SNTG2: variants seen among roughly 807,000 people sequenced by gnomAD.
SNTG2 encodes the protein syntrophin gamma 2, also known as gamma-2-syntrophin.
A neutral mutation model predicts 70.9 loss-of-function variants in SNTG2; 74 were observed. The observed-to-expected ratio is 1.04, with a 90% CI of 0.86 to 1.27. SNTG2 has a LOEUF of 1.27. Ranked by LOEUF, SNTG2 falls within the 50% of genes most tolerant of loss-of-function variation. The probability of loss-of-function intolerance (pLI) is 0.00; values close to 1 mark genes in which losing one functional copy is unlikely to be tolerated. For synonymous variants in SNTG2, 278 were observed against 273.8 expected, an observed-to-expected ratio of 1.02 and a Z score of -0.15; for missense variants, 717 against 690.7, an observed-to-expected ratio of 1.04 and a Z score of -0.43.
intron 6 of SNTG2, among the ~76,000 whole-genome samples, chr2:1,141,690 TGTCCA>T (rs1269470738): frequency 1.3e-5 from 2 of 152,236 alleles, no homozygotes; most frequent in East Asian, 1.9e-4. Context: ...CATTCTAGGA[TGTCCA>T]GTCACCCAAC....
rs1430932646 is a variant in SNTG2, at chr2:1,222,089, C to CTCTCTG, written c.719+12865_719+12870dup. Among the ~76,000 whole-genome samples the CTCTCTG allele has an allele frequency of 1.2e-4, 2 of 16,006 alleles. 1 individual carries two copies. The highest frequency in any genetic ancestry group is 2.6e-4 in the Non-Finnish European group (2 of 7,724). The allele number at this position is 16,006 out of a possible 152,430, so 10.5% of individuals were successfully genotyped here. On this transcript the variant is annotated intron_variant, in intron 9 of 16. Transcript: ENST00000308624. ...TTTCTCTCTGTCTCTGTCTCTGTCT[C>CTCTCTG]TCTCTGTCTCTCTCTGTCTCTCTCT...
At chr2:1,054,631 A>T (rs1366750981) in intron 1 of SNTG2, among the ~76,000 whole-genome samples, 4 of 152,162 alleles carry the variant, frequency 2.6e-5, no homozygotes, top group Non-Finnish European at 4.4e-5. Flanking sequence ...CCTGGAGGTG[A>T]CACATTCCTG....
chr2:1,130,227 A>G (rs6732346), intron 4 of SNTG2, among the ~76,000 whole-genome samples: 90,420 of 152,060 alleles, frequency 0.59, 27,618 homozygotes, highest in East Asian at 0.72. Flanking sequence ...CCAGATTCAT[A>G]GATGACATTC....
intron 16 of SNTG2, among the ~76,000 whole-genome samples, chr2:1,337,366 A>G (rs545299856): frequency 1.1e-4 from 17 of 152,300 alleles, no homozygotes; most frequent in African/African-American, 3.8e-4. Flanking sequence ...AACACTTCCT[A>G]GGAGAGTACT....
intron 1 of SNTG2, among the ~76,000 whole-genome samples, chr2:1,037,812 A>T (rs1661214812): frequency 6.6e-6 from 1 of 152,122 alleles, no homozygotes; most frequent in African/African-American, 2.4e-5. Flanking sequence ...ATTCCATTTT[A>T]TGGCTACAAC....
At chr2:1,253,038 G>A (rs376474362) in intron 12 of SNTG2, among the ~76,000 whole-genome samples, 2 of 152,166 alleles carry the variant, frequency 1.3e-5, no homozygotes, top group African/African-American at 4.8e-5. Flanking sequence ...TATCTTAAAT[G>A]TATTTTATCC....
At chr2:1,221,452 T>TCTGC (rs1674822284) in intron 9 of SNTG2, among the ~76,000 whole-genome samples, 12 of 141,382 alleles carry the variant, frequency 8.5e-5, no homozygotes, top group African/African-American at 3.4e-4. Flanking sequence ...TGTCTCTGTC[T>TCTGC]CTCTCTGTCT....
At chr2:1,314,753 C>T (rs559147627) in intron 15 of SNTG2, among the ~76,000 whole-genome samples, 1 of 152,332 alleles carries the variant, frequency 6.6e-6, no homozygotes, top group East Asian at 1.9e-4. Flanking sequence ...TGAATGGACT[C>T]AGTTCCACAT....
intron 9 of SNTG2, among the ~76,000 whole-genome samples, chr2:1,226,380 G>A (rs1396906245): frequency 6.6e-6 from 1 of 152,206 alleles, no homozygotes; most frequent in Non-Finnish European, 1.5e-5. Context: ...CTTCATAGAG[G>A]TTAAATCGGA....
chr2:1,341,927 G>A (rs1351459329), intron 16 of SNTG2, among the ~76,000 whole-genome samples: 1 of 151,402 alleles, frequency 6.6e-6, no homozygotes, highest in Non-Finnish European at 1.5e-5. Flanking sequence ...CTCACTGCAG[G>A]CTCAGACTCC....
intron 13 of SNTG2, among the ~76,000 whole-genome samples, chr2:1,260,820 C>A (rs971873193): frequency 6.7e-6 from 1 of 150,344 alleles, no homozygotes; most frequent in African/African-American, 2.4e-5. Context: ...TTGTTTCCTT[C>A]GCATGGGCTC....
chr2:1,012,363 G>C (rs1572219739), intron 1 of SNTG2, among the ~76,000 whole-genome samples: 1 of 152,186 alleles, frequency 6.6e-6, no homozygotes, highest in African/African-American at 2.4e-5. Flanking sequence ...CCCTGTGTGG[G>C]AGGCCAGCGA....
At chr2:999,369 A>G (rs1478168015) in intron 1 of SNTG2, among the ~76,000 whole-genome samples, 2 of 152,052 alleles carry the variant, frequency 1.3e-5, no homozygotes, top group Non-Finnish European at 2.9e-5. Flanking sequence ...AACAACAACA[A>G]CATTATTCAA....
intron 1 of SNTG2, among the ~76,000 whole-genome samples, chr2:1,077,634 G>T (rs1408039780): frequency 6.6e-6 from 1 of 152,102 alleles, no homozygotes; most frequent in Non-Finnish European, 1.5e-5. Context: ...CTTCACTCAA[G>T]AACTTCTGGC....
chr2:1,193,446 C>T (rs1382706190), intron 8 of SNTG2, among the ~76,000 whole-genome samples: 3 of 152,140 alleles, frequency 2.0e-5, no homozygotes, highest in Non-Finnish European at 4.4e-5. Context: ...TGATTGTTCC[C>T]TTGTCTATTT....
At chr2:1,151,847 T>A (rs1346856556) in intron 6 of SNTG2, among the ~76,000 whole-genome samples, 1 of 152,176 alleles carries the variant, frequency 6.6e-6, no homozygotes, top group Non-Finnish European at 1.5e-5. Flanking sequence ...AATGGGTGAC[T>A]AGCACTCGTG....
rs563794250 is a variant in SNTG2, at chr2:1,356,671, A to G, written c.1489-10672A>G. Among the ~76,000 whole-genome samples, 5 of 152,298 alleles carry G rather than the reference A, an allele frequency of 3.3e-5. No homozygotes were observed. In the South Asian group the frequency reaches 6.2e-4, roughly 19 times the overall value. ...GCTATTCAGGATTTTTTGTGGTTTC[A>G]TATAAATTTTAGGATTTTTTCTATG... is the stretch of plus-strand genomic sequence containing the variant. On this transcript the variant is annotated intron_variant, in intron 16 of 16. Coordinates refer to ENST00000308624, the MANE Select transcript of SNTG2 (RefSeq NM_018968.4).
intron 9 of SNTG2, among the ~76,000 whole-genome samples, chr2:1,227,798 C>T (rs1675893365): frequency 6.6e-6 from 1 of 152,168 alleles, no homozygotes; most frequent in African/African-American, 2.4e-5. Flanking sequence ...AAACAAGTTC[C>T]CTGGTGATTC....
intron 4 of SNTG2, among the ~76,000 whole-genome samples, chr2:1,101,665 C>G (rs1000435789): frequency 2.0e-5 from 3 of 152,186 alleles, no homozygotes; most frequent in African/African-American, 7.2e-5. Context: ...CCCTCTACCC[C>G]ACGGAGCACA....
Sources: gnomAD v4.1 joint callset for allele counts (sites outside exome capture counted in the v4.1 genomes callset) on GRCh38, gnomAD v4.1.1 for gene constraint, MANE v1.5 for transcripts, NCBI Gene and HGNC (gene_info 2026-07-23, HGNC 2026-07-21) for gene names.